The following PCDHA6 variants were observed in gnomAD, a reference collection of about 807,000 sequenced individuals.
The protein encoded by PCDHA6 is protocadherin alpha-6.
Under a neutral mutation model 60.3 loss-of-function variants are expected in PCDHA6, and 55 were observed. That is an observed-to-expected ratio of 0.91 (90% CI 0.73 to 1.14). The LOEUF (loss-of-function observed/expected upper bound fraction) is 1.14. Among genes scored for constraint, PCDHA6 ranks in the 50% most tolerant of loss-of-function variants. The probability of loss-of-function intolerance (pLI) is 0.00; values close to 1 mark genes in which losing one functional copy is unlikely to be tolerated. For synonymous variants in PCDHA6, 652 were observed against 557.9 expected (o/e 1.17, Z -2.38); for missense variants, 1,327 against 1,256.5 (o/e 1.06, Z -0.85).
chr5:140,828,674 T>C lies in PCDHA6; in HGVS notation c.583T>C (p.Leu195=). Residue 195 remains leucine (L), a synonymous_variant, in exon 1 of 4, where the codon TTA becomes CTA. Transcript: ENST00000529310. The part of the protein sequence containing the change: ...NSDDNKQIGL[L]LKKSLDREEA... ...TGATGACAATAAACAAATTGGGCTCTTATTAAAGAAATCCTTGGACAGAGA... is the reference window on the plus strand; with the variant it reads ...TGATGACAATAAACAAATTGGGCTCCTATTAAAGAAATCCTTGGACAGAGA... 1 of 1,614,218 alleles carries C rather than the reference T, an allele frequency of 6.2e-7. No individual in the cohort carries two copies. The highest frequency in any genetic ancestry group is 8.5e-7 in the Non-Finnish European group (1 of 1,180,046).
At chr5:140,880,972 A>G (rs574204364) in intron 1 of PCDHA6, among the ~76,000 whole-genome samples, 94 of 152,374 alleles carry the variant, frequency 6.2e-4, no homozygotes, top group Non-Finnish European at 8.5e-4. Flanking sequence ...AGAGAATACC[A>G]AATACTCTGC....
intron 1 of PCDHA6, chr5:140,862,204 A>C: frequency 5.7e-6 from 1 of 176,474 alleles, no homozygotes; most frequent in Non-Finnish European, 1.2e-5. Flanking sequence ...ATGTTTGATC[A>C]CTGCACAGAC....
intron 3 of PCDHA6, among the ~76,000 whole-genome samples, chr5:140,985,628 T>C (rs1399381029): frequency 6.6e-6 from 1 of 152,116 alleles, no homozygotes; most frequent in Non-Finnish European, 1.5e-5. Flanking sequence ...TGTGTATTGC[T>C]CTTCTCATCC....
At chr5:140,855,874 T>C (rs1554147980) in intron 1 of PCDHA6, 13 of 866,802 alleles carry the variant, frequency 1.5e-5, no homozygotes, top group East Asian at 2.6e-5. Flanking sequence ...GTCCACAAAA[T>C]AGCTTTTTAG....
In PCDHA6 at chr5:141,010,015, C is replaced by G; in HGVS notation, c.*78C>G. On this transcript the variant is annotated 3_prime_UTR_variant, in exon 4 of 4. Transcript: ENST00000529310. ...CTCTCCCATGTAGCAATTCCCTGCT[C>G]CTTTTTCCTATCTACATGAGCCCTC... is the stretch of plus-strand genomic sequence containing the variant. 6.4e-7 allele frequency: 1 copy of G among 1,572,182 alleles called. No homozygotes were observed. Among genetic ancestry groups the G allele is most frequent in the Non-Finnish European group, 8.6e-7 (1 of 1,163,250 alleles).
chr5:140,919,706 C>T (rs2079272649), intron 1 of PCDHA6, among the ~76,000 whole-genome samples: 1 of 152,048 alleles, frequency 6.6e-6, no homozygotes, highest in African/African-American at 2.4e-5. Flanking sequence ...TAACTTAATT[C>T]TAGTGAGATA....
At position 140,836,060 on chromosome 5, in the gene PCDHA6, C is replaced by A; in HGVS notation, c.2394+5575C>A. ...TGCAGGTGTTCGTGCTGGACGAGAA[C>A]GACAACGCGCCGGCACTGCTGGCGC... is the stretch of plus-strand genomic sequence containing the variant. On this transcript the variant is annotated intron_variant, in intron 1 of 3. Coordinates refer to ENST00000529310, the MANE Select transcript of PCDHA6 (RefSeq NM_018909.4). 8.1e-6 allele frequency: 13 copies of A among 1,613,098 alleles called. No individual in the cohort carries two copies. The highest frequency in any genetic ancestry group is 1.1e-5 in the Non-Finnish European group (13 of 1,179,748).
At chr5:141,004,532 C>G (rs569751588) in intron 3 of PCDHA6, among the ~76,000 whole-genome samples, 1 of 152,314 alleles carries the variant, frequency 6.6e-6, no homozygotes, top group African/African-American at 2.4e-5. Context: ...TACACACAGC[C>G]ATTAATGTCC....
chr5:140,933,244 A>G (rs1218658347), intron 1 of PCDHA6, among the ~76,000 whole-genome samples: 3 of 152,038 alleles, frequency 2.0e-5, no homozygotes, highest in African/African-American at 4.8e-5. Context: ...AGAAAGGACT[A>G]TAAACACAAA....
At chr5:140,844,873 C>T (rs2150374535) in intron 1 of PCDHA6, among the ~76,000 whole-genome samples, 1 of 149,368 alleles carries the variant, frequency 6.7e-6, no homozygotes, top group African/African-American at 2.4e-5. Flanking sequence ...ATTAAATACC[C>T]ATTAGACTTC....
At chr5:140,865,966 T>C (rs1376241258) in intron 1 of PCDHA6, 5 of 152,194 alleles carry the variant, frequency 3.3e-5, no homozygotes, top group Non-Finnish European at 2.9e-5. Context: ...TTTTGTACAA[T>C]GTGTGATTGA....
At chr5:140,871,612 G>T in intron 1 of PCDHA6, 1 of 1,427,256 alleles carries the variant, frequency 7.0e-7, no homozygotes, top group East Asian at 2.5e-5. Flanking sequence ...TTTGAATATT[G>T]TTTTAGATAA....
chr5:140,995,466 T>A (rs1325738929), intron 3 of PCDHA6, among the ~76,000 whole-genome samples: 1 of 152,196 alleles, frequency 6.6e-6, no homozygotes, highest in Non-Finnish European at 1.5e-5. Flanking sequence ...ATTTTTGAAA[T>A]TTTTCATTTA....
chr5:140,942,478 C>T (rs2093304158), intron 1 of PCDHA6, among the ~76,000 whole-genome samples: 1 of 151,408 alleles, frequency 6.6e-6, no homozygotes, highest in African/African-American at 2.4e-5. Flanking sequence ...ATTCAAGCTA[C>T]AACTGAAATA....
At chr5:140,980,730 A>G (rs1227353445) in intron 2 of PCDHA6, among the ~76,000 whole-genome samples, 2 of 152,176 alleles carry the variant, frequency 1.3e-5, no homozygotes, top group Non-Finnish European at 2.9e-5. Context: ...CAATTAAGAT[A>G]TTATGAGATT....
intron 1 of PCDHA6, among the ~76,000 whole-genome samples, chr5:140,831,516 C>T (rs572603415): frequency 1.5e-5 from 2 of 130,466 alleles, no homozygotes; most frequent in African/African-American, 3.2e-5. Context: ...ACCATGCCCC[C>T]CACCTTTTTT....
At chr5:140,868,864 A>C (rs1554162257) in intron 1 of PCDHA6, 10 of 549,766 alleles carry the variant, frequency 1.8e-5, no homozygotes, top group Non-Finnish European at 1.8e-5. Context: ...TGGTAAATGC[A>C]GTGCACAGTA....
chr5:140,936,798 T>C (rs2091152803), intron 1 of PCDHA6, among the ~76,000 whole-genome samples: 1 of 152,240 alleles, frequency 6.6e-6, no homozygotes, highest in Admixed American at 6.5e-5. Context: ...TGCTTCAAGA[T>C]TAACTTAGCT....
At chr5:140,921,621 A>G (rs1274986378) in intron 1 of PCDHA6, among the ~76,000 whole-genome samples, 1 of 152,222 alleles carries the variant, frequency 6.6e-6, no homozygotes, top group African/African-American at 2.4e-5. Context: ...ATATCATCAG[A>G]TCATCATTAT....
Sources: allele counts gnomAD v4.1 joint callset (sites outside exome capture counted in the v4.1 genomes callset), GRCh38; gene constraint gnomAD v4.1.1; transcripts MANE v1.5; gene names NCBI Gene and HGNC (gene_info 2026-07-23, HGNC 2026-07-21).